The following NME3 variants were observed in gnomAD, a reference collection of about 807,000 sequenced individuals.
The protein encoded by NME3 is NME/NM23 nucleoside diphosphate kinase 3, also known as nucleoside diphosphate kinase C.
A neutral mutation model predicts 15.8 loss-of-function variants in NME3; 23 were observed. That is an observed-to-expected ratio of 1.45 (90% CI 1.05 to 2.06). NME3 has a LOEUF of 2.06. NME3 is among the 30% of genes most tolerant of loss of function. The probability of loss-of-function intolerance (pLI) is 0.00; values close to 1 mark genes in which losing one functional copy is unlikely to be tolerated. For missense variants in NME3, 354 were observed against 243.2 expected (o/e 1.46, Z -3.03); for synonymous variants, 157 against 104.4 (o/e 1.50, Z -3.07).
chr16:1,771,502 GT>G lies in NME3; in HGVS notation c.32del (p.Asn11ThrfsTer18). ...CGCGCGGCTCACCCGCGGGGAAGAG[GT>G]TAGCGAAGATGGTCAGCACCAGGCA... MICLVLTIFA[N>X]LFPAACTGAH... On this transcript the variant is annotated frameshift_variant, in exon 1 of 5. Transcript: ENST00000219302. LOFTEE classifies it high-confidence loss of function. The G allele has an allele frequency of 7.6e-7, 1 of 1,309,238 alleles. No individual in the cohort carries two copies. Among genetic ancestry groups the G allele is most frequent in the Non-Finnish European group, 9.7e-7 (1 of 1,027,052 alleles). 81.1% of individuals were successfully genotyped at this position (1,309,238 alleles called of 1,614,324 possible). A position where few individuals can be genotyped will look rare whatever the true frequency, so the allele number is the denominator to read the frequency against.
At position 1,770,604 on chromosome 16, in the gene NME3, G is replaced by A; in HGVS notation, c.*45C>T. 2 of 1,465,236 alleles carry A rather than the reference G, an allele frequency of 1.4e-6. No individual in the cohort carries two copies. Among genetic ancestry groups the A allele is most frequent in the Non-Finnish European group, 1.8e-6 (2 of 1,081,586 alleles). 90.8% of individuals were successfully genotyped at this position (1,465,236 alleles called of 1,614,324 possible). A position where few individuals can be genotyped will look rare whatever the true frequency, so the allele number is the denominator to read the frequency against. The stretch of plus-strand genomic sequence containing the variant: ...CAGAAGCCCGCCCACCTGGGCCCTG[G>A]AGGAGGCTGGAGTGTGAGAGCCTCT... On this transcript the variant is annotated 3_prime_UTR_variant, in exon 5 of 5. Transcript: ENST00000219302.
intron 2 of NME3, 40 bp downstream of exon 2, chr16:1,771,240 C>CGG: frequency 2.0e-6 from 2 of 1,004,044 alleles, no homozygotes; most frequent in Non-Finnish European, 1.6e-6. Context: ...CGCTCCCCTT[C>CGG]CCCCCACACC....
In NME3 at chr16:1,771,414, C is replaced by T; in HGVS notation, c.47-4G>A. 6.5e-7 allele frequency: 1 copy of T among 1,533,132 alleles called. No homozygotes were observed. 95.0% of individuals were successfully genotyped at this position (1,533,132 alleles called of 1,614,324 possible). A position where few individuals can be genotyped will look rare whatever the true frequency, so the allele number is the denominator to read the frequency against. On this transcript the variant is annotated splice_polypyrimidine_tract_variant and splice_region_variant and intron_variant, in intron 1 of 4. Coordinates refer to ENST00000219302, the MANE Select transcript of NME3 (RefSeq NM_002513.3). ...CGTTCGTGTGCGCCGGTGCAGGCTG[C>T]GGGGCAGGCGGGGACGGGCCGTCAG...
chr16:1,770,331 G>A lies in NME3; in HGVS notation c.*318C>T, dbSNP rs560681148. 3.1e-6 allele frequency: 1 copy of A among 319,986 alleles called. No individual in the cohort carries two copies. Among genetic ancestry groups the A allele is most frequent in the Non-Finnish European group, 5.7e-6 (1 of 174,754 alleles). 19.8% of individuals were successfully genotyped at this position (319,986 alleles called of 1,614,324 possible). A position where few individuals can be genotyped will look rare whatever the true frequency, so the allele number is the denominator to read the frequency against. ...CTTAACGTCGTAGCTGCCTGTTCCT[G>A]GGCCCAAATCGAAACGAAAACGAGG... On this transcript the variant is annotated 3_prime_UTR_variant, in exon 5 of 5. Coordinates refer to ENST00000219302, the MANE Select transcript of NME3 (RefSeq NM_002513.3).
rs1192938775 is a variant in NME3 at position 1,770,379 on chromosome 16, G to A, written c.*270C>T. 1 of 395,596 alleles carries A rather than the reference G, an allele frequency of 2.5e-6. No individual in the cohort carries two copies. Among genetic ancestry groups the A allele is most frequent in the African/African-American group, 2.1e-5 (1 of 48,456 alleles). 24.5% of individuals were successfully genotyped at this position (395,596 alleles called of 1,614,324 possible). On this transcript the variant is annotated 3_prime_UTR_variant, in exon 5 of 5. Transcript: ENST00000219302. Reference sequence around the variant, plus strand: ...AGGACTTTATTATAAAAAAACGTTGGACCACGTTGGGCTGGGCACCAGGAC... The same window carrying A: ...AGGACTTTATTATAAAAAAACGTTGAACCACGTTGGGCTGGGCACCAGGAC...
intron 2 of NME3, 48 bp downstream of exon 2, chr16:1,771,232 C>G (rs1359635341): frequency 1.9e-6 from 3 of 1,565,048 alleles, no homozygotes; most frequent in African/African-American, 2.7e-5. Flanking sequence ...CAGGTCCCCG[C>G]TCCCCTTCCC....
At position 1,771,345 on chromosome 16, in the gene NME3, C is replaced by A. The variant is rs769102029; in HGVS notation, c.112G>T (p.Val38Leu). 3 of 1,594,592 alleles carry A rather than the reference C, an allele frequency of 1.9e-6. No homozygotes were observed. In the Admixed American group the frequency reaches 5.1e-5, roughly 27 times the overall value. Residue 38 changes from valine (V) to leucine (L), a missense_variant, in exon 2 of 5, where the codon GTG becomes TTG. By Grantham distance (32) the Val-to-Leu change is conservative. Transcript: ENST00000219302. ...TCGAAGCGCCGCACAATCTCGCCCA[C>A]CAGCCGCCGCTGCACGCCGTCCGGC... is the stretch of plus-strand genomic sequence containing the variant. The part of the protein sequence containing the change: ...VKPDGVQRRL[V>L]GEIVRRFERK...
In NME3 at chr16:1,771,296, G is replaced by A. The variant is rs1281525361; in HGVS notation, c.161C>T (p.Ala54Val). The A allele has an allele frequency of 1.9e-6, 3 of 1,605,030 alleles. No individual in the cohort carries two copies. The highest frequency in any genetic ancestry group is 1.7e-5 in the Admixed American group (1 of 59,750). The stretch of plus-strand genomic sequence containing the variant: ...CGCCCCCACCTGCACCAGCTTCAGC[G>A]CCACCAACTTGAAGCCCTTCCTCTC... ...RFERKGFKLV[A>V]LKLVQASEEL... Residue 54 changes from alanine to valine, a missense_variant, in exon 2 of 5, where the codon GCG becomes GTG. By Grantham distance (64) the Ala-to-Val change is moderately conservative. Transcript: ENST00000219302.
chr16:1,771,280 C>G lies in NME3; in HGVS notation c.177G>C (p.Gln59His). Residue 59 changes from glutamine (Q) to histidine (H), a missense_variant and splice_region_variant, in exon 2 of 5, where the codon CAG becomes CAC. Coordinates refer to ENST00000219302, the MANE Select transcript of NME3 (RefSeq NM_002513.3). The part of the protein sequence containing the change: ...GFKLVALKLV[Q>H]ASEELLREHY... ...CCCCGCTCGCTCACCGCGCCCCCAC[C>G]TGCACCAGCTTCAGCGCCACCAACT... 1 of 1,602,386 alleles carries G rather than the reference C, an allele frequency of 6.2e-7. No individual in the cohort carries two copies. Among genetic ancestry groups the G allele is most frequent in the Non-Finnish European group, 8.5e-7 (1 of 1,177,122 alleles).
In NME3 at chr16:1,770,692, A is replaced by G; in HGVS notation, c.467T>C (p.Leu156Pro). The G allele has an allele frequency of 2.5e-6, 4 of 1,585,764 alleles. No homozygotes were observed. The highest frequency in any genetic ancestry group is 3.4e-6 in the Non-Finnish European group (4 of 1,167,026). ...CCCAGCGCTGTCCTCCCAGCAGAGG[A>G]GCTCGTCTGCGCGGAACCAGAGAGC... ...EIALWFRADE[L>P]LCWEDSAGHW... Residue 156 changes from leucine (L) to proline (P), a missense_variant, in exon 5 of 5, where the codon CTC (leucine) becomes CCC (proline). Coordinates refer to ENST00000219302, the MANE Select transcript of NME3 (RefSeq NM_002513.3).
Position 1,770,674 on chromosome 16 carries a change from C to A in NME3, c.485G>T (p.Ser162Ile), listed in dbSNP as rs891707081. ...CTACTCATACAGCCAGTGCCCAGCG[C>A]TGTCCTCCCAGCAGAGGAGCTCGTC... is the stretch of plus-strand genomic sequence containing the variant. The part of the protein sequence containing the change: ...RADELLCWED[S>I]AGHWLYE Residue 162 changes from serine (S) to isoleucine (I), a missense_variant, in exon 5 of 5, where the codon AGC (serine) becomes ATC (isoleucine). Transcript: ENST00000219302. The A allele has an allele frequency of 3.8e-6, 6 of 1,584,264 alleles. No homozygotes were observed. The African/African-American group carries it at 6.7e-5, about 18-fold the overall frequency.
Position 1,770,662 on chromosome 16 carries a change from C to T in NME3, c.497G>A (p.Trp166Ter), listed in dbSNP as rs1238776869. ...LLCWEDSAGH[W>*]LYE ...GCATCTGCCGGGCTACTCATACAGCCAGTGCCCAGCGCTGTCCTCCCAGCA... is the reference window on the plus strand; with the variant it reads ...GCATCTGCCGGGCTACTCATACAGCTAGTGCCCAGCGCTGTCCTCCCAGCA... Residue 166 changes from tryptophan (W) to a stop codon, truncating the protein, a stop_gained, in exon 5 of 5, where the codon TGG (tryptophan) becomes TAG (stop). Transcript: ENST00000219302. LOFTEE classifies it high-confidence loss of function. The T allele has an allele frequency of 1.9e-6, 3 of 1,580,590 alleles. No homozygotes were observed. The highest frequency in any genetic ancestry group is 2.6e-6 in the Non-Finnish European group (3 of 1,163,378).
chr16:1,770,464 GAAAC>G lies in NME3; in HGVS notation c.*181_*184del. Reference sequence around the variant, plus strand: ...GCTCCTGGAGCAGCTCCTCGGGCAGGAAACCCTGTACGCCAGGGATTGGAGAGGC... The same window carrying G: ...GCTCCTGGAGCAGCTCCTCGGGCAGGCCTGTACGCCAGGGATTGGAGAGGC... On this transcript the variant is annotated 3_prime_UTR_variant, in exon 5 of 5. Transcript: ENST00000219302. The G allele has an allele frequency of 4.2e-6, 2 of 476,318 alleles. No homozygotes were observed. The highest frequency in any genetic ancestry group is 4.1e-5 in the South Asian group (1 of 24,250). 29.5% of individuals were successfully genotyped at this position (476,318 alleles called of 1,614,324 possible). A position where few individuals can be genotyped will look rare whatever the true frequency, so the allele number is the denominator to read the frequency against.
intron 2 of NME3, 41 bp from the exon 3 acceptor site, chr16:1,771,212 T>C: frequency 1.3e-6 from 2 of 1,575,060 alleles, no homozygotes; most frequent in Non-Finnish European, 1.7e-6. Flanking sequence ...ACCCGGCACC[T>C]AGGCGTCCCC....
chr16:1,770,584 G>T lies in NME3; in HGVS notation c.*65C>A. ...CAAGCGCTGTGGGGTGGGGCCAGAA[G>T]CCCGCCCACCTGGGCCCTGGAGGAG... On this transcript the variant is annotated 3_prime_UTR_variant, in exon 5 of 5. Transcript: ENST00000219302. The T allele has an allele frequency of 1.5e-6, 2 of 1,308,830 alleles. No individual in the cohort carries two copies. Among genetic ancestry groups the T allele is most frequent in the Non-Finnish European group, 2.1e-6 (2 of 957,500 alleles). 81.1% of individuals were successfully genotyped at this position (1,308,830 alleles called of 1,614,324 possible). A position where few individuals can be genotyped will look rare whatever the true frequency, so the allele number is the denominator to read the frequency against.
chr16:1,770,569 G>T lies in NME3; in HGVS notation c.*80C>A. The T allele has an allele frequency of 1.9e-6, 2 of 1,079,962 alleles. 1 individual carries two copies. Among genetic ancestry groups the T allele is most frequent in the South Asian group, 3.1e-5 (2 of 64,994 alleles). The allele number at this position is 1,079,962 out of a possible 1,614,324, so 66.9% of individuals were successfully genotyped here. A position where few individuals can be genotyped will look rare whatever the true frequency, so the allele number is the denominator to read the frequency against. ...TCCAAAGGGATGCTCCAAGCGCTGT[G>T]GGGTGGGGCCAGAAGCCCGCCCACC... On this transcript the variant is annotated 3_prime_UTR_variant, in exon 5 of 5. Coordinates refer to ENST00000219302, the MANE Select transcript of NME3 (RefSeq NM_002513.3).
chr16:1,770,839 G>A (rs767329827), intron 4 of NME3, 42 bp downstream of exon 4: 3 of 1,571,394 alleles, frequency 1.9e-6, no homozygotes, highest in Non-Finnish European at 2.6e-6. Context: ...TGAACAGGGG[G>A]AGGCCGGACG....
At position 1,770,649 on chromosome 16, in the gene NME3, C is replaced by T. The variant is rs764701264; in HGVS notation, c.510G>A (p.Ter170=). 5 of 1,573,406 alleles carry T rather than the reference C, an allele frequency of 3.2e-6. No homozygotes were observed. Among genetic ancestry groups the T allele is most frequent in the East Asian group, 4.6e-5 (2 of 43,286 alleles). The part of the protein sequence containing the change: ...EDSAGHWLYE[*] ...GCCTCTGTGACGCGCATCTGCCGGGCTACTCATACAGCCAGTGCCCAGCGC... is the reference window on the plus strand; with the variant it reads ...GCCTCTGTGACGCGCATCTGCCGGGTTACTCATACAGCCAGTGCCCAGCGC... Residue 170 remains the stop codon, a stop_retained_variant, in exon 5 of 5, where the codon TAG becomes TAA. Coordinates refer to ENST00000219302, the MANE Select transcript of NME3 (RefSeq NM_002513.3).
At chr16:1,771,023 C>A (rs762464460) in intron 3 of NME3, 30 bp from the exon 4 acceptor site, 3 of 1,593,762 alleles carry the variant, frequency 1.9e-6, no homozygotes, top group Non-Finnish European at 8.6e-7. Flanking sequence ...CGGTATCACG[C>A]GGGGGTGGGG....
Sources: gnomAD v4.1 joint callset for allele counts on GRCh38, gnomAD v4.1.1 for gene constraint, MANE v1.5 for transcripts, NCBI Gene and HGNC (gene_info 2026-07-23, HGNC 2026-07-21) for gene names.